Variants in ATP2C2 observed in about 807,000 individuals in gnomAD.
ATP2C2 encodes the protein calcium-transporting ATPase type 2C member 2.
In ATP2C2, 171 loss-of-function variants were observed where a neutral mutation model predicts 110.8. That is an observed-to-expected ratio of 1.54 (90% CI 1.36 to 1.75). ATP2C2 has a LOEUF of 1.75. ATP2C2 is among the 40% of genes most tolerant of loss of function. ATP2C2 has a pLI of 0.00. For missense variants in ATP2C2, 1,963 were observed against 1,235.0 expected (o/e 1.59, Z -8.84); for synonymous variants, 804 against 508.4 (o/e 1.58, Z -7.82).
At chr16:84,453,284 A>G in intron 19 of ATP2C2, 37 bp from the exon 20 acceptor site, 1 of 1,614,024 alleles carries the variant, frequency 6.2e-7, no homozygotes, top group Non-Finnish European at 8.5e-7. Flanking sequence ...CACAGCTTTG[A>G]AATCTGATTC....
At chr16:84,458,525 G>T (rs1910913537) in intron 21 of ATP2C2, among the ~76,000 whole-genome samples, 2 of 135,048 alleles carry the variant, frequency 1.5e-5, no homozygotes, top group Admixed American at 1.5e-4. Flanking sequence ...TAAAAAAAAA[G>T]TCATAATATC....
intron 20 of ATP2C2, among the ~76,000 whole-genome samples, chr16:84,454,440 C>T (rs1191354764): frequency 6.6e-6 from 1 of 152,184 alleles, no homozygotes; most frequent in Non-Finnish European, 1.5e-5. Context: ...AGTTACTCCT[C>T]AAAGAAGGTA....
At chr16:84,396,059 C>T (rs1467979226) in intron 1 of ATP2C2, among the ~76,000 whole-genome samples, 1 of 152,084 alleles carries the variant, frequency 6.6e-6, no homozygotes, top group African/African-American at 2.4e-5. Context: ...TAACTGGAGT[C>T]CTATAGGATT....
intron 20 of ATP2C2, among the ~76,000 whole-genome samples, 193 bp downstream of exon 20, chr16:84,453,564 G>A (rs766024850): frequency 1.3e-5 from 2 of 152,190 alleles, no homozygotes; most frequent in African/African-American, 2.4e-5. Context: ...GCAGGGGCGC[G>A]TGGGCAGCTC....
chr16:84,441,877 C>T (rs1182324721), intron 14 of ATP2C2, among the ~76,000 whole-genome samples: 4 of 152,114 alleles, frequency 2.6e-5, no homozygotes, highest in African/African-American at 7.2e-5. Flanking sequence ...GAGCTGAGGT[C>T]ATGCCACTGC....
intron 1 of ATP2C2, among the ~76,000 whole-genome samples, chr16:84,382,147 CCT>C (rs764708152): frequency 3.3e-5 from 5 of 152,090 alleles, no homozygotes; most frequent in African/African-American, 2.4e-5. Flanking sequence ...CCCCACACCC[CCT>C]GACAGGCCCC....
intron 1 of ATP2C2, 72 bp downstream of exon 1, chr16:84,368,786 C>T (rs1467661130): frequency 5.5e-6 from 7 of 1,268,200 alleles, no homozygotes; most frequent in East Asian, 6.1e-5. Flanking sequence ...CGTCCCCGGC[C>T]CGAGACCCCG....
At chr16:84,450,840 G>A (rs753369963) in intron 17 of ATP2C2, among the ~76,000 whole-genome samples, 5 of 151,950 alleles carry the variant, frequency 3.3e-5, no homozygotes, top group South Asian at 2.1e-4. Flanking sequence ...TCTGTACCGC[G>A]CCCCCAAGAC....
intron 24 of ATP2C2, chr16:84,461,102 C>T (rs761834052): frequency 1.3e-5 from 5 of 386,862 alleles, no homozygotes; most frequent in Non-Finnish European, 2.3e-5. Context: ...GTTCCCTTGT[C>T]ACCAGGAAAC....
intron 1 of ATP2C2, among the ~76,000 whole-genome samples, chr16:84,388,018 G>A (rs1218356112): frequency 6.6e-6 from 1 of 151,956 alleles, no homozygotes; most frequent in Non-Finnish European, 1.5e-5. Flanking sequence ...CAGCAGGTGT[G>A]TTTTTGTAAG....
chr16:84,423,072 T>C (rs1202709437), intron 9 of ATP2C2, 116 bp from the exon 10 acceptor site: 5 of 813,756 alleles, frequency 6.1e-6, no homozygotes, highest in Non-Finnish European at 1.0e-5. Flanking sequence ...TTGACATATG[T>C]GTACCCCTGT....
At chr16:84,453,451 G>A (rs947241005) in intron 20 of ATP2C2, 80 bp downstream of exon 20, 108 of 1,568,100 alleles carry the variant, frequency 6.9e-5, no homozygotes, top group Admixed American at 1.5e-4. Context: ...TCATGCGTCC[G>A]TCGGGTGACA....
intron 1 of ATP2C2, among the ~76,000 whole-genome samples, chr16:84,397,658 A>C (rs1190045799): frequency 5.0e-5 from 4 of 79,210 alleles, no homozygotes; most frequent in African/African-American, 2.2e-4. Context: ...TGGGTGACAA[A>C]AAAAAAAAAA....
Position 84,449,209 on chromosome 16 carries a change from G to A in ATP2C2, c.1660+520G>A, listed in dbSNP as rs193185507. On this transcript the variant is annotated intron_variant, in intron 17 of 26. Transcript: ENST00000262429. ...TCCTGAGCACTGGTATTCCCTTGGG[G>A]GAAAGTGAGAGGCTTTGGGTTGGCC... Among the ~76,000 whole-genome samples the A allele has an allele frequency of 4.6e-5, 7 of 152,366 alleles. No homozygotes were observed. In the East Asian group the frequency reaches 9.6e-4, roughly 21 times the overall value.
At chr16:84,437,389 T>A (rs948946079) in intron 11 of ATP2C2, among the ~76,000 whole-genome samples, 1 of 152,168 alleles carries the variant, frequency 6.6e-6, no homozygotes, top group Non-Finnish European at 1.5e-5. Flanking sequence ...TATATAATTT[T>A]TTTTTTTGTA....
chr16:84,373,233 C>T (rs1212786696), intron 1 of ATP2C2, among the ~76,000 whole-genome samples: 1 of 152,134 alleles, frequency 6.6e-6, no homozygotes, highest in Non-Finnish European at 1.5e-5. Context: ...GGCATGGTGG[C>T]TTACGCCTGT....
intron 4 of ATP2C2, among the ~76,000 whole-genome samples, chr16:84,409,573 G>C (rs1415531162): frequency 6.6e-6 from 1 of 152,060 alleles, no homozygotes; most frequent in Non-Finnish European, 1.5e-5. Context: ...GCAGTGCCGT[G>C]ATCTCAGCTC....
intron 16 of ATP2C2, among the ~76,000 whole-genome samples, chr16:84,447,828 T>A (rs979127883): frequency 7.4e-6 from 1 of 134,408 alleles, no homozygotes; most frequent in Non-Finnish European, 1.6e-5. Context: ...AATTAATGTA[T>A]TAACATCTGT....
intron 11 of ATP2C2, among the ~76,000 whole-genome samples, chr16:84,427,133 G>A (rs376213579): frequency 2.4e-4 from 36 of 152,154 alleles, no homozygotes; most frequent in African/African-American, 8.5e-4. Context: ...TAACGCACAC[G>A]CAGCTGCTGT....
Sources: allele counts gnomAD v4.1 joint callset (sites outside exome capture counted in the v4.1 genomes callset), GRCh38; gene constraint gnomAD v4.1.1; transcripts MANE v1.5; gene names NCBI Gene and HGNC (gene_info 2026-07-23, HGNC 2026-07-21).